The following COL21A1 variants were observed in gnomAD, a reference collection of about 807,000 sequenced individuals.
COL21A1 encodes the protein collagen alpha-1(XXI) chain.
In COL21A1, 149 loss-of-function variants were observed where a neutral mutation model predicts 137.9. The ratio of observed to expected loss-of-function variants is 1.08; its 90% CI spans 0.95 to 1.24. COL21A1 has a LOEUF of 1.24. COL21A1 is among the 50% of genes most tolerant of loss of function. COL21A1 has a pLI of 0.00. For missense variants in COL21A1, 1,167 were observed against 1,158.4 expected, an observed-to-expected ratio of 1.01 and a Z score of -0.11; for synonymous variants, 456 against 391.5, an observed-to-expected ratio of 1.16 and a Z score of -1.95.
intron 16 of COL21A1, among the ~76,000 whole-genome samples, chr6:56,118,372 A>T (rs1772132901): frequency 6.6e-6 from 1 of 152,036 alleles, no homozygotes; most frequent in African/African-American, 2.4e-5. Context: ...ACCTACTGAG[A>T]TTAAACCAGG....
intron 17 of COL21A1, among the ~76,000 whole-genome samples, chr6:56,085,914 T>C (rs1387712426): frequency 6.7e-6 from 1 of 148,770 alleles, no homozygotes; most frequent in East Asian, 1.9e-4. Context: ...TATAAATATA[T>C]TTATATTCAT....
At chr6:56,308,580 G>A (rs1377206673) in intron 1 of COL21A1, among the ~76,000 whole-genome samples, 1 of 152,202 alleles carries the variant, frequency 6.6e-6, no homozygotes, top group African/African-American at 2.4e-5. Flanking sequence ...GGGGAAATGG[G>A]AAATGCAAAG....
chr6:56,265,858 T>C (rs4715601), intron 1 of COL21A1, among the ~76,000 whole-genome samples: 135,281 of 152,290 alleles, frequency 0.89, 60,223 homozygotes, highest in African/African-American at 0.93. Context: ...CTGATGCTAC[T>C]TGGAGTCTTA....
At chr6:56,145,426 G>A (rs1157062927) in intron 10 of COL21A1, among the ~76,000 whole-genome samples, 2 of 151,962 alleles carry the variant, frequency 1.3e-5, no homozygotes, top group Non-Finnish European at 2.9e-5. Context: ...CCAAGCTGGG[G>A]GAATCCTAGG....
chr6:56,130,169 A>ATATATT lies in COL21A1; in HGVS notation c.1543-4021_1543-4020insAATATA, dbSNP rs1407886259. On this transcript the variant is annotated intron_variant, in intron 12 of 29. Transcript: ENST00000244728. ...GAGAGCATTCATGACAGGGTTTTAT[A>ATATATT]TATATATATATATATATATATATAT... Among the ~76,000 whole-genome samples the ATATATT allele has an allele frequency of 2.0e-4, 16 of 81,538 alleles. 1 individual carries two copies. The highest frequency in any genetic ancestry group is 1.5e-3 in the Admixed American group (11 of 7,396). 53.5% of individuals were successfully genotyped at this position (81,538 alleles called of 152,430 possible).
At chr6:56,077,374 T>C (rs1767333841) in intron 18 of COL21A1, among the ~76,000 whole-genome samples, 155 bp downstream of exon 18, 1 of 151,348 alleles carries the variant, frequency 6.6e-6, no homozygotes, top group Non-Finnish European at 1.5e-5. Context: ...CAAAACAATA[T>C]ATACAAATTT....
At chr6:56,389,431 C>A (rs1421795599) in intron 1 of COL21A1, among the ~76,000 whole-genome samples, 5 of 149,132 alleles carry the variant, frequency 3.4e-5, no homozygotes, top group Non-Finnish European at 7.4e-5. Context: ...ATGCCTACAA[C>A]ATCAAGAAAG....
intron 1 of COL21A1, among the ~76,000 whole-genome samples, chr6:56,274,725 A>T (rs1226437167): frequency 2.6e-5 from 4 of 152,150 alleles, no homozygotes; most frequent in Non-Finnish European, 1.5e-5. Flanking sequence ...TCAGAGATGA[A>T]ACAAAAAAAT....
In COL21A1 at chr6:56,300,181, A is replaced by G. The variant is rs1314319095; in HGVS notation, c.-39+93790T>C. Among the ~76,000 whole-genome samples the G allele has an allele frequency of 2.0e-5, 3 of 152,108 alleles. No homozygotes were observed. In the East Asian group the frequency reaches 5.8e-4, roughly 29 times the overall value. ...AGGAAATTCATTAACAGATCCTTCT[A>G]AATGTGTGTATAATGATTAAATGTA... On this transcript the variant is annotated intron_variant, in intron 1 of 28. Transcript: ENST00000370819.
intron 12 of COL21A1, among the ~76,000 whole-genome samples, chr6:56,139,367 A>C (rs1774237622): frequency 6.6e-6 from 1 of 152,144 alleles, no homozygotes. Context: ...ACCAGGTTTA[A>C]AGAGATTAAC....
chr6:56,160,742 A>T (rs1480517835), intron 9 of COL21A1, among the ~76,000 whole-genome samples: 1 of 152,194 alleles, frequency 6.6e-6, no homozygotes, highest in Admixed American at 6.5e-5. Flanking sequence ...ACTAAACTAA[A>T]ACATCTCTGA....
chr6:56,106,380 GCTT>G (rs930833977), intron 16 of COL21A1, among the ~76,000 whole-genome samples: 5 of 152,100 alleles, frequency 3.3e-5, no homozygotes, highest in African/African-American at 1.2e-4. Flanking sequence ...ATAAGATGGA[GCTT>G]CTTATCTGTG....
intron 7 of COL21A1, among the ~76,000 whole-genome samples, chr6:56,166,506 G>T (rs1005122410): frequency 6.6e-6 from 1 of 152,088 alleles, no homozygotes; most frequent in African/African-American, 2.4e-5. Context: ...ACAAACATTA[G>T]CTGGGTGTGG....
intron 1 of COL21A1, among the ~76,000 whole-genome samples, chr6:56,312,664 A>T (rs989551478): frequency 6.6e-6 from 1 of 152,140 alleles, no homozygotes; most frequent in African/African-American, 2.4e-5. Flanking sequence ...ATTTTAGGAC[A>T]GGAATGAAAG....
intron 1 of COL21A1, among the ~76,000 whole-genome samples, chr6:56,360,945 C>T (rs376825992): frequency 2.0e-5 from 3 of 152,158 alleles, no homozygotes; most frequent in African/African-American, 2.4e-5. Flanking sequence ...ACTAAAAATA[C>T]GAAAATAAGC....
At chr6:56,338,174 C>T (rs1765378007) in intron 1 of COL21A1, among the ~76,000 whole-genome samples, 1 of 151,978 alleles carries the variant, frequency 6.6e-6, no homozygotes, top group Non-Finnish European at 1.5e-5. Flanking sequence ...CCATATTGGT[C>T]AGGCTGGTCT....
chr6:56,109,688 G>A (rs1021728539), intron 16 of COL21A1, among the ~76,000 whole-genome samples: 35 of 151,818 alleles, frequency 2.3e-4, no homozygotes, highest in African/African-American at 8.0e-4. Context: ...ATGAAATAAA[G>A]GACATTACTA....
At chr6:56,132,366 C>T (rs1773625981) in intron 12 of COL21A1, among the ~76,000 whole-genome samples, 1 of 151,990 alleles carries the variant, frequency 6.6e-6, no homozygotes, top group African/African-American at 2.4e-5. Context: ...AGATACTGAG[C>T]TTTATCTGGA....
intron 16 of COL21A1, among the ~76,000 whole-genome samples, chr6:56,118,162 A>G (rs1772109142): frequency 4.6e-5 from 7 of 151,964 alleles, no homozygotes; most frequent in African/African-American, 9.7e-5. Context: ...TGAAAAGACA[A>G]ACAAAATTGA....
Sources: gnomAD v4.1 joint callset for allele counts (sites outside exome capture counted in the v4.1 genomes callset) on GRCh38, gnomAD v4.1.1 for gene constraint, MANE v1.5 for transcripts, NCBI Gene and HGNC (gene_info 2026-07-23, HGNC 2026-07-21) for gene names.